Variants in CNTNAP2 observed in about 807,000 individuals in gnomAD.
The protein encoded by CNTNAP2 is contactin associated protein 2.
A neutral mutation model predicts 155.2 loss-of-function variants in CNTNAP2; 98 were observed. That is an observed-to-expected ratio of 0.63 (90% CI 0.54 to 0.75). The LOEUF is 0.75. Ranked by LOEUF, CNTNAP2 falls within the 30% of genes least tolerant of loss-of-function variation. CNTNAP2 has a pLI of 0.00. For missense variants in CNTNAP2, 1,727 were observed against 1,688.1 expected (o/e 1.02, Z -0.40); for synonymous variants, 651 against 631.2 (o/e 1.03, Z -0.47).
chr7:146,718,194 C>A lies in CNTNAP2; in HGVS notation c.98-56077C>A, dbSNP rs1232079444. Reference sequence around the variant, plus strand: ...GTCAGTGCACATGTTGTTGACTGACCTAAATATTTACACTGTCACATATTA... The same window carrying A: ...GTCAGTGCACATGTTGTTGACTGACATAAATATTTACACTGTCACATATTA... On this transcript the variant is annotated intron_variant, in intron 1 of 23. Transcript: ENST00000361727. Among the ~76,000 whole-genome samples the A allele has an allele frequency of 2.6e-5, 4 of 152,074 alleles. No individual in the cohort carries two copies. The East Asian group carries it at 7.7e-4, about 29-fold the overall frequency.
At chr7:147,994,805 A>C (rs536422909) in intron 15 of CNTNAP2, among the ~76,000 whole-genome samples, 1 of 152,246 alleles carries the variant, frequency 6.6e-6, no homozygotes, top group South Asian at 2.1e-4. Context: ...GGTAACCACA[A>C]CTCAGGGCTT....
At chr7:147,654,646 C>G (rs557027156) in intron 13 of CNTNAP2, among the ~76,000 whole-genome samples, 1 of 152,228 alleles carries the variant, frequency 6.6e-6, no homozygotes, top group African/African-American at 2.4e-5. Context: ...GAATCAACTT[C>G]TTTCAAACTC....
chr7:146,515,002 G>A (rs887582922), intron 1 of CNTNAP2, among the ~76,000 whole-genome samples: 1 of 151,910 alleles, frequency 6.6e-6, no homozygotes, highest in African/African-American at 2.4e-5. Context: ...TAATGGGATG[G>A]GTTTCCCAAA....
intron 13 of CNTNAP2, among the ~76,000 whole-genome samples, chr7:147,776,535 A>C (rs1271013570): frequency 6.6e-6 from 1 of 152,156 alleles, no homozygotes; most frequent in African/African-American, 2.4e-5. Flanking sequence ...AGTCTCTGAG[A>C]CCCTCAATTT....
At chr7:148,267,009 G>C (rs926990857) in intron 20 of CNTNAP2, 24 bp from the exon 21 acceptor site, 1 of 1,605,056 alleles carries the variant, frequency 6.2e-7, no homozygotes, top group Admixed American at 1.7e-5. Context: ...GCTTCTAAAA[G>C]TGTCTCTTGT....
chr7:146,844,319 C>T (rs1373166131), intron 3 of CNTNAP2, among the ~76,000 whole-genome samples: 2 of 152,046 alleles, frequency 1.3e-5, no homozygotes, highest in Non-Finnish European at 2.9e-5. Context: ...CCTTCCATTC[C>T]TCTTTGATGA....
At chr7:146,420,977 T>G (rs549048928) in intron 1 of CNTNAP2, among the ~76,000 whole-genome samples, 20 of 152,164 alleles carry the variant, frequency 1.3e-4, no homozygotes, top group African/African-American at 4.3e-4. Context: ...TGATAACATA[T>G]CCACTTTACT....
At chr7:146,152,058 G>A (rs1798060571) in intron 1 of CNTNAP2, among the ~76,000 whole-genome samples, 1 of 151,694 alleles carries the variant, frequency 6.6e-6, no homozygotes, top group Non-Finnish European at 1.5e-5. Context: ...AAAGATATTT[G>A]TACTTTTATA....
chr7:147,834,270 C>A (rs1798599793), intron 13 of CNTNAP2, among the ~76,000 whole-genome samples: 1 of 152,184 alleles, frequency 6.6e-6, no homozygotes, highest in Admixed American at 6.5e-5. Context: ...TCCATGACTG[C>A]TTTAAAAGTG....
intron 1 of CNTNAP2, among the ~76,000 whole-genome samples, chr7:146,529,051 TAAAG>T (rs149790320): frequency 0.029 from 4,353 of 152,248 alleles, 206 homozygotes; most frequent in African/African-American, 0.099. Context: ...GTGTACACTG[TAAAG>T]AAAGATAATG....
At chr7:147,519,444 GCAAAAT>G (rs933737371) in intron 11 of CNTNAP2, among the ~76,000 whole-genome samples, 1 of 152,160 alleles carries the variant, frequency 6.6e-6, no homozygotes, top group African/African-American at 2.4e-5. Context: ...AATCACATCT[GCAAAAT>G]CCCTTTTGTC....
chr7:146,460,312 G>A (rs980951960), intron 1 of CNTNAP2, among the ~76,000 whole-genome samples: 2 of 152,104 alleles, frequency 1.3e-5, no homozygotes, highest in African/African-American at 4.8e-5. Flanking sequence ...GGGAATTCTT[G>A]TATACTGCTG....
At chr7:147,923,747 T>A (rs1232548715) in intron 14 of CNTNAP2, among the ~76,000 whole-genome samples, 1 of 151,276 alleles carries the variant, frequency 6.6e-6, no homozygotes, top group Admixed American at 6.6e-5. Context: ...CCCAGGCTGG[T>A]CTCAAAGTCC....
intron 8 of CNTNAP2, among the ~76,000 whole-genome samples, chr7:147,251,505 G>C (rs777117013): frequency 1.3e-4 from 20 of 152,230 alleles, no homozygotes; most frequent in Non-Finnish European, 2.5e-4. Flanking sequence ...GGAGTGACTT[G>C]AGCTTGTGTG....
chr7:147,192,239 C>T (rs1042751322), intron 8 of CNTNAP2, among the ~76,000 whole-genome samples: 5 of 152,204 alleles, frequency 3.3e-5, no homozygotes, highest in African/African-American at 1.2e-4. Context: ...TTTTACTCTT[C>T]ACCTTCTGAT....
At chr7:146,159,761 C>A (rs114767773) in intron 1 of CNTNAP2, among the ~76,000 whole-genome samples, 2 of 151,980 alleles carry the variant, frequency 1.3e-5, no homozygotes, top group African/African-American at 2.4e-5. Flanking sequence ...ATACATACAA[C>A]GAGACTTAGA....
chr7:148,106,664 T>C (rs1256265956), intron 15 of CNTNAP2, among the ~76,000 whole-genome samples: 3 of 152,038 alleles, frequency 2.0e-5, no homozygotes, highest in African/African-American at 7.3e-5. Flanking sequence ...GCCAGCCTGA[T>C]AGTCTACTCC....
At chr7:146,616,595 CAAA>C (rs1004709741) in intron 1 of CNTNAP2, among the ~76,000 whole-genome samples, 1 of 151,658 alleles carries the variant, frequency 6.6e-6, no homozygotes, top group Non-Finnish European at 1.5e-5. Context: ...AATTTATAGT[CAAA>C]AAAAAGCTGA....
At chr7:146,303,477 A>G (rs974616256) in intron 1 of CNTNAP2, among the ~76,000 whole-genome samples, 3 of 152,022 alleles carry the variant, frequency 2.0e-5, no homozygotes, top group African/African-American at 7.2e-5. Context: ...GATGCTAGCT[A>G]TAGGTAGAAT....
Sources: gnomAD v4.1 joint callset for allele counts (sites outside exome capture counted in the v4.1 genomes callset) on GRCh38, gnomAD v4.1.1 for gene constraint, MANE v1.5 for transcripts, NCBI Gene and HGNC (gene_info 2026-07-23, HGNC 2026-07-21) for gene names.